The following SRGAP2B variants were observed in gnomAD, a reference collection of about 807,000 sequenced individuals.
The protein encoded by SRGAP2B is SLIT-ROBO Rho GTPase-activating protein 2B.
SRGAP2B carries 9 observed loss-of-function variants against 22.2 expected under a neutral mutation model. The ratio of observed to expected loss-of-function variants is 0.41; its 90% CI spans 0.24 to 0.71. The LOEUF (loss-of-function observed/expected upper bound fraction) is 0.71. Ranked by LOEUF, SRGAP2B falls within the 30% of genes least tolerant of loss-of-function variation. The pLI is 0.35. For missense variants in SRGAP2B, 114 were observed against 235.8 expected (o/e 0.48, Z 3.38); for synonymous variants, 36 against 87.4 (o/e 0.41, Z 3.28).
At chr1:144,970,554 G>A (rs1471601066) in intron 3 of SRGAP2B, among the ~76,000 whole-genome samples, 8 of 116,842 alleles carry the variant, frequency 6.8e-5, no homozygotes, top group African/African-American at 1.4e-4. Flanking sequence ...GCTAGATGAC[G>A]AGTTAGTGGG....
At chr1:144,991,061 C>T (rs1431721202) in intron 3 of SRGAP2B, among the ~76,000 whole-genome samples, 1 of 150,858 alleles carries the variant, frequency 6.6e-6, no homozygotes, top group Non-Finnish European at 1.5e-5. Context: ...TGGCAGGCAG[C>T]TCCACCTGCA....
intron 2 of SRGAP2B, among the ~76,000 whole-genome samples, chr1:145,031,855 A>T (rs1648380177): frequency 7.1e-6 from 1 of 141,548 alleles, no homozygotes; most frequent in South Asian, 2.2e-4. Context: ...TCAAAAAAAA[A>T]AAAAAAAAAA....
intron 2 of SRGAP2B, among the ~76,000 whole-genome samples, chr1:145,011,559 C>T (rs1287493090): frequency 6.7e-6 from 1 of 150,162 alleles, no homozygotes; most frequent in African/African-American, 2.5e-5. Flanking sequence ...CAGCACGTTC[C>T]CTACCCCAGT....
chr1:144,976,121 C>T lies in SRGAP2B; in HGVS notation c.260+18887G>A, dbSNP rs1668886819. On this transcript the variant is annotated intron_variant, in intron 3 of 9. Transcript: ENST00000612199. Reference sequence around the variant, plus strand: ...GGTCTTGATCTCCTGACCTCATGATCGGCCCGCCTCGGCCTCCCAAAGTAC... The same window carrying T: ...GGTCTTGATCTCCTGACCTCATGATTGGCCCGCCTCGGCCTCCCAAAGTAC... 1.4e-5 allele frequency among the ~76,000 whole-genome samples: 2 copies of T among 147,738 alleles called. 1 individual carries two copies. Among genetic ancestry groups the T allele is most frequent in the South Asian group, 4.2e-4 (2 of 4,760 alleles).
intron 4 of SRGAP2B, among the ~76,000 whole-genome samples, chr1:144,927,116 A>AT (rs1280954013): frequency 2.7e-5 from 4 of 148,784 alleles, no homozygotes; most frequent in Non-Finnish European, 5.9e-5. Flanking sequence ...TGCCTGGCTA[A>AT]TTTTTTTGTA....
At chr1:144,940,760 G>A (rs1318121262) in intron 4 of SRGAP2B, among the ~76,000 whole-genome samples, 23 of 139,538 alleles carry the variant, frequency 1.6e-4, no homozygotes, top group Non-Finnish European at 2.1e-4. Flanking sequence ...CCAAGATCAC[G>A]CCACTGTACT....
At chr1:144,994,590 GAGA>G in intron 3 of SRGAP2B, among the ~76,000 whole-genome samples, 2 of 149,360 alleles carry the variant, frequency 1.3e-5, no homozygotes, top group South Asian at 2.1e-4. Context: ...GAGAGAGAGA[GAGA>G]GAGAGAGAGA....
At chr1:144,955,129 C>T (rs1236898366) in intron 4 of SRGAP2B, among the ~76,000 whole-genome samples, 2 of 150,544 alleles carry the variant, frequency 1.3e-5, no homozygotes, top group African/African-American at 2.5e-5. Context: ...ATTAATTCAG[C>T]TCAGAAAGGA....
At chr1:144,975,965 C>T (rs1408888595) in intron 3 of SRGAP2B, among the ~76,000 whole-genome samples, 1 of 147,938 alleles carries the variant, frequency 6.8e-6, no homozygotes, top group Non-Finnish European at 1.5e-5. Flanking sequence ...GCTCCACCTC[C>T]CAGGTTCACC....
intron 4 of SRGAP2B, among the ~76,000 whole-genome samples, chr1:144,944,446 G>T (rs1478043050): frequency 4.0e-5 from 6 of 149,176 alleles, no homozygotes; most frequent in Non-Finnish European, 8.9e-5. Flanking sequence ...AATTAGCCAA[G>T]CATGATGGTA....
At chr1:145,073,013 C>A (rs1652258384) in intron 2 of SRGAP2B, among the ~76,000 whole-genome samples, 1 of 148,620 alleles carries the variant, frequency 6.7e-6, no homozygotes, top group Non-Finnish European at 1.5e-5. Context: ...GGGCCTCCAA[C>A]CAAACTCGGA....
At position 144,964,952 on chromosome 1, in the gene SRGAP2B, G is replaced by C. The variant is rs587628964; in HGVS notation, c.261-9351C>G. 4.5e-6 allele frequency: 5 copies of C among 1,107,712 alleles called. No individual in the cohort carries two copies. In the African/African-American group the frequency reaches 7.9e-5, roughly 18 times the overall value. 68.6% of individuals were successfully genotyped at this position (1,107,712 alleles called of 1,614,324 possible). A position where few individuals can be genotyped will look rare whatever the true frequency, so the allele number is the denominator to read the frequency against. On this transcript the variant is annotated intron_variant, in intron 3 of 9. Transcript: ENST00000612199. ...ATAAATAGAGACGGAGGTAGAGGGA[G>C]GACACAGAGCCGCGCCGCCTGCACC...
intron 3 of SRGAP2B, among the ~76,000 whole-genome samples, chr1:144,978,653 C>CA (rs1330248621): frequency 2.0e-5 from 3 of 149,208 alleles, no homozygotes; most frequent in Admixed American, 2.0e-4. Flanking sequence ...TCTCAAAAAA[C>CA]AAAAAACAAC....
intron 3 of SRGAP2B, among the ~76,000 whole-genome samples, chr1:144,973,238 T>C (rs1171621466): frequency 6.8e-6 from 1 of 148,044 alleles, no homozygotes; most frequent in African/African-American, 2.7e-5. Context: ...CAGCTTGTAG[T>C]ATAAAATATG....
chr1:144,925,716 G>C lies in SRGAP2B; in HGVS notation c.424-10962C>G, dbSNP rs1420619344. 1.8e-4 allele frequency among the ~76,000 whole-genome samples: 24 copies of C among 135,010 alleles called. 1 individual carries two copies. The highest frequency in any genetic ancestry group is 3.0e-4 in the Non-Finnish European group (19 of 63,684). The allele number at this position is 135,010 out of a possible 152,430, so 88.6% of individuals were successfully genotyped here. ...GGGCAGAGAGAGAGAGAAAGAGAGA[G>C]AGAGAGAAAGAAAAGAAAGAAAGAA... is the stretch of plus-strand genomic sequence containing the variant. On this transcript the variant is annotated intron_variant, in intron 4 of 9. Coordinates refer to ENST00000612199, the Ensembl canonical transcript of SRGAP2B.
At chr1:144,889,027 T>G (rs1662070219) in exon 10 of SRGAP2B, 1 of 143,726 alleles carries the variant, frequency 7.0e-6, no homozygotes, top group South Asian at 2.2e-4. Context: ...CGATCTTGGC[T>G]CACTACAACC....
chr1:145,075,995 T>C (rs1652467818), intron 2 of SRGAP2B, among the ~76,000 whole-genome samples: 1 of 150,050 alleles, frequency 6.7e-6, no homozygotes, highest in African/African-American at 2.5e-5. Context: ...GGAGGCCATA[T>C]ATTATCTCAG....
At chr1:145,047,123 C>T (rs1571086634) in intron 2 of SRGAP2B, among the ~76,000 whole-genome samples, 1 of 137,912 alleles carries the variant, frequency 7.3e-6, no homozygotes. Flanking sequence ...CTGCAATGAG[C>T]CAAGATCGCA....
chr1:144,939,302 G>T (rs2101867979), intron 4 of SRGAP2B, among the ~76,000 whole-genome samples: 1 of 149,268 alleles, frequency 6.7e-6, no homozygotes, highest in South Asian at 2.1e-4. Context: ...AGATATTTCT[G>T]TAAGATAAGA....
Sources: gnomAD v4.1 joint callset for allele counts (sites outside exome capture counted in the v4.1 genomes callset) on GRCh38, gnomAD v4.1.1 for gene constraint, MANE v1.5 for transcripts, NCBI Gene and HGNC (gene_info 2026-07-23, HGNC 2026-07-21) for gene names.